OR3A2: variants seen among roughly 807,000 people sequenced by gnomAD.
OR3A2 encodes the protein olfactory receptor 3A2.
For synonymous variants in OR3A2, 126 were observed against 159.3 expected (o/e 0.79, Z 1.57); for missense variants, 318 against 392.8 (o/e 0.81, Z 1.61).
intron 2 of OR3A2, among the ~76,000 whole-genome samples, chr17:3,348,265 C>A (rs1320169891): frequency 2.0e-5 from 3 of 152,100 alleles, no homozygotes; most frequent in African/African-American, 7.2e-5. Flanking sequence ...TCCCATTTAT[C>A]CATTTTGGCT....
chr17:3,346,975 T>C (rs1444984040), intron 2 of OR3A2, among the ~76,000 whole-genome samples: 2 of 152,200 alleles, frequency 1.3e-5, no homozygotes, highest in Non-Finnish European at 2.9e-5. Flanking sequence ...AGCTTGGCTA[T>C]TGTGCACAGT....
At chr17:3,321,030 T>G (rs574341339) in intron 3 of OR3A2, among the ~76,000 whole-genome samples, 1 of 152,308 alleles carries the variant, frequency 6.6e-6, no homozygotes, top group South Asian at 2.1e-4. Context: ...GTGTTTCCAT[T>G]TCTTTGTATC....
chr17:3,327,195 C>A (rs1410021193), intron 3 of OR3A2, among the ~76,000 whole-genome samples: 2 of 66,052 alleles, frequency 3.0e-5, no homozygotes. Context: ...GTTCCTATTT[C>A]TCCACATCCT....
intron 2 of OR3A2, among the ~76,000 whole-genome samples, chr17:3,355,993 T>A (rs1004636774): frequency 6.6e-6 from 1 of 151,364 alleles, no homozygotes; most frequent in African/African-American, 2.4e-5. Context: ...ATATCCCTTG[T>A]ATGTTTTTTG....
At chr17:3,313,239 C>T (rs560057057) in intron 3 of OR3A2, among the ~76,000 whole-genome samples, 3 of 152,122 alleles carry the variant, frequency 2.0e-5, no homozygotes, top group East Asian at 1.9e-4. Context: ...TCACCTTGTC[C>T]GACATGCTTA....
At chr17:3,346,712 C>A (rs1427168199) in intron 2 of OR3A2, among the ~76,000 whole-genome samples, 2 of 151,984 alleles carry the variant, frequency 1.3e-5, no homozygotes, top group Non-Finnish European at 2.9e-5. Flanking sequence ...TCCTTCCCAG[C>A]CTCTGCTCTT....
intron 1 of OR3A2, among the ~76,000 whole-genome samples, chr17:3,282,823 A>G (rs544445740): frequency 6.6e-6 from 1 of 152,350 alleles, no homozygotes; most frequent in South Asian, 2.1e-4. Context: ...TAACAGAAGC[A>G]TTGGACAGCA....
intron 2 of OR3A2, among the ~76,000 whole-genome samples, chr17:3,370,044 C>G (rs978718607): frequency 6.6e-6 from 1 of 152,156 alleles, no homozygotes; most frequent in African/African-American, 2.4e-5. Context: ...GCTCAGTGAT[C>G]TGCCCATCTT....
chr17:3,369,508 T>C (rs1364960278), intron 2 of OR3A2, among the ~76,000 whole-genome samples: 18 of 152,204 alleles, frequency 1.2e-4, no homozygotes, highest in Non-Finnish European at 7.4e-5. Context: ...AGATTTGTTT[T>C]TAATTGTTTA....
chr17:3,353,222 G>C (rs967495794), intron 2 of OR3A2, among the ~76,000 whole-genome samples: 3 of 151,512 alleles, frequency 2.0e-5, no homozygotes, highest in Non-Finnish European at 4.4e-5. Flanking sequence ...CAGTGAATTA[G>C]AGAATGCTTT....
At chr17:3,317,203 G>A (rs2049087467) in intron 3 of OR3A2, among the ~76,000 whole-genome samples, 1 of 147,648 alleles carries the variant, frequency 6.8e-6, no homozygotes, top group Admixed American at 6.7e-5. Context: ...AGTGAGCCAG[G>A]AAGAGACGTG....
intron 3 of OR3A2, among the ~76,000 whole-genome samples, chr17:3,330,524 G>A (rs1213598715): frequency 9.9e-5 from 15 of 152,084 alleles, no homozygotes; most frequent in Admixed American, 9.8e-4. Context: ...TCAGAGACTA[G>A]GATTGCAACC....
rs193242116 is a variant in OR3A2 at position 3,279,238 on chromosome 17, G to C, written c.-6-315C>G. On this transcript the variant is annotated intron_variant, in intron 1 of 1. Coordinates refer to ENST00000642052, the Ensembl canonical transcript of OR3A2. ...TAGATTACAGCTGTCCTCGCCACAG[G>C]GGGGAAATGGGTAACTATGTGAGAT... is the stretch of plus-strand genomic sequence containing the variant. The C allele has an allele frequency of 2.3e-3, 952 of 407,658 alleles. 5 individuals are homozygous for C. The highest frequency in any genetic ancestry group is 0.02 in the African/African-American group (881 of 44,290). The allele number at this position is 407,658 out of a possible 1,614,324, so 25.3% of individuals were successfully genotyped here.
At chr17:3,291,200 A>G (rs902476772) in intron 3 of OR3A2, 1 of 157,450 alleles carries the variant, frequency 6.4e-6, no homozygotes, top group Non-Finnish European at 1.4e-5. Flanking sequence ...AAATAAAACA[A>G]TCCTAATCTC....
chr17:3,301,299 G>C (rs1168678945), intron 3 of OR3A2, among the ~76,000 whole-genome samples: 2 of 152,164 alleles, frequency 1.3e-5, no homozygotes, highest in African/African-American at 4.8e-5. Context: ...CTAGTTTACA[G>C]TCCCACCAAC....
chr17:3,289,658 A>G (rs1414412468), intron 3 of OR3A2, among the ~76,000 whole-genome samples: 1 of 152,240 alleles, frequency 6.6e-6, no homozygotes, highest in Non-Finnish European at 1.5e-5. Context: ...ACAGACTCAG[A>G]GAAATCTCGC....
At chr17:3,351,024 G>A (rs2049415648) in intron 2 of OR3A2, among the ~76,000 whole-genome samples, 1 of 151,866 alleles carries the variant, frequency 6.6e-6, no homozygotes, top group Non-Finnish European at 1.5e-5. Context: ...GGTATTGGTG[G>A]GACGTATTTC....
intron 2 of OR3A2, among the ~76,000 whole-genome samples, chr17:3,371,510 G>A (rs1424689874): frequency 1.1e-4 from 16 of 142,838 alleles, no homozygotes; most frequent in Admixed American, 3.4e-4. Context: ...GCGGCTGGCC[G>A]GGCGGGGGGC....
chr17:3,344,707 C>T (rs1163726607), intron 2 of OR3A2, among the ~76,000 whole-genome samples: 1 of 152,144 alleles, frequency 6.6e-6, no homozygotes, highest in Admixed American at 6.5e-5. Context: ...TTCAAATCTC[C>T]TTCAGTTTAT....
Sources: gnomAD v4.1 joint callset for allele counts (sites outside exome capture counted in the v4.1 genomes callset) on GRCh38, gnomAD v4.1.1 for gene constraint, MANE v1.5 for transcripts, NCBI Gene and HGNC (gene_info 2026-07-23, HGNC 2026-07-21) for gene names.